The following TRIM16 variants were observed in gnomAD, a reference collection of about 807,000 sequenced individuals.
TRIM16 encodes the protein tripartite motif containing 16, also known as tripartite motif-containing protein 16.
In TRIM16, 33 loss-of-function variants were observed where a neutral mutation model predicts 50.4. That is an observed-to-expected ratio of 0.65 (90% CI 0.50 to 0.88). The LOEUF is 0.88. Among genes scored for constraint, TRIM16 ranks in the 40% least tolerant of loss-of-function variants. The pLI, the probability that TRIM16 is intolerant of heterozygous loss-of-function variation, is 0.00. For synonymous variants in TRIM16, 229 were observed against 270.7 expected (o/e 0.85, Z 1.51); for missense variants, 581 against 686.8 (o/e 0.85, Z 1.72).
At chr17:15,648,173 C>A (rs1436060208) in intron 7 of TRIM16, among the ~76,000 whole-genome samples, 1 of 151,238 alleles carries the variant, frequency 6.6e-6, no homozygotes, top group African/African-American at 2.4e-5. Context: ...TTGCAGTGAG[C>A]CGAGATTGCA....
At chr17:15,655,579 CTT>C (rs796123712) in intron 6 of TRIM16, among the ~76,000 whole-genome samples, 18 of 146,626 alleles carry the variant, frequency 1.2e-4, no homozygotes, top group Non-Finnish European at 2.1e-4. Context: ...TGATCTCTCT[CTT>C]TTTTTTTTTT....
intron 6 of TRIM16, among the ~76,000 whole-genome samples, chr17:15,668,646 C>T (rs1988602640): frequency 6.8e-6 from 1 of 147,046 alleles, no homozygotes; most frequent in Admixed American, 6.6e-5. Context: ...CATGAAAACA[C>T]ACTTTTGCAC....
rs759511584 is a variant in TRIM16 at position 15,651,276 on chromosome 17, T to A, written c.334A>T (p.Ile112Phe). 1.5e-5 allele frequency: 24 copies of A among 1,614,128 alleles called. No homozygotes were observed. In the Admixed American group the frequency reaches 4.0e-4, roughly 27 times the overall value. ...EEHLQPHQVN[I>F]KLQSHLLTEP... Reference sequence around the variant, plus strand: ...GTCAGCAGGTGGCTTTGCAGTTTGATGTTCACCTGATGCGGCTGCAAGTGC... The same window carrying A: ...GTCAGCAGGTGGCTTTGCAGTTTGAAGTTCACCTGATGCGGCTGCAAGTGC... Residue 112 changes from isoleucine (I) to phenylalanine (F), a missense_variant, in exon 7 of 12, where the codon ATC (isoleucine) becomes TTC (phenylalanine). Transcript: ENST00000649191.
intron 8 of TRIM16, among the ~76,000 whole-genome samples, chr17:15,639,348 C>G (rs1987011933): frequency 6.7e-6 from 1 of 148,372 alleles, no homozygotes; most frequent in Non-Finnish European, 1.5e-5. Context: ...GGGATTACGT[C>G]CAGCCTACAT....
rs2530113 is a variant in TRIM16 at position 15,671,611 on chromosome 17, A to G, written c.-338+5565T>C. The stretch of plus-strand genomic sequence containing the variant: ...TCATTGAAAAACTCTATTTCACGTG[A>G]TTTTTTTAACCGTATGCAAGTATTA... On this transcript the variant is annotated intron_variant, in intron 6 of 11. Coordinates refer to ENST00000649191, the MANE Select transcript of TRIM16 (RefSeq NM_001348119.1). Among the ~76,000 whole-genome samples, 82 of 149,476 alleles carry G rather than the reference A, an allele frequency of 5.5e-4. 1 individual carries two copies. The East Asian group carries it at 0.011, about 20-fold the overall frequency.
intron 6 of TRIM16, among the ~76,000 whole-genome samples, chr17:15,674,823 C>T (rs985377657): frequency 3.3e-5 from 5 of 152,094 alleles, no homozygotes; most frequent in South Asian, 2.1e-4. Flanking sequence ...CCTCATCTCC[C>T]GGGGGGTGAT....
chr17:15,683,000 T>C (rs1180465357), intron 2 of TRIM16, 36 bp downstream of exon 2: 4 of 1,550,244 alleles, frequency 2.6e-6, no homozygotes, highest in African/African-American at 1.4e-5. Flanking sequence ...TGCAGATTCT[T>C]GGCTAATGGC....
At chr17:15,680,662 C>G (rs1048742651) in intron 4 of TRIM16, among the ~76,000 whole-genome samples, 4 of 152,114 alleles carry the variant, frequency 2.6e-5, no homozygotes, top group African/African-American at 4.8e-5. Flanking sequence ...CTGAGGAACA[C>G]GCAAACACCA....
rs374896821 is a variant in TRIM16, at chr17:15,629,038, C to T, written c.1272G>A (p.Leu424=). 8 of 1,613,970 alleles carry T rather than the reference C, an allele frequency of 5.0e-6. No homozygotes were observed. The African/African-American group carries it at 5.3e-5, about 11-fold the overall frequency. ...HWRQVLSQQS[L]YLHRYYFEVE... ...CCTCAAAATAGTACCTGTGCAGGTACAGACTCTGCTGGGACAGCACCTGCC... is the reference window on the plus strand; with the variant it reads ...CCTCAAAATAGTACCTGTGCAGGTATAGACTCTGCTGGGACAGCACCTGCC... The change falls in exon 12 of 12, where the codon CTG becomes CTA. Residue 424 remains leucine (L), a synonymous_variant. Coordinates refer to ENST00000649191, the MANE Select transcript of TRIM16 (RefSeq NM_001348119.1).
At position 15,680,876 on chromosome 17, in the gene TRIM16, C is replaced by A; in HGVS notation, c.-601G>T. The A allele has an allele frequency of 6.5e-7, 1 of 1,545,274 alleles. No homozygotes were observed. The highest frequency in any genetic ancestry group is 8.7e-7 in the Non-Finnish European group (1 of 1,145,714). On this transcript the variant is annotated 5_prime_UTR_variant, in exon 4 of 12. Coordinates refer to ENST00000649191, the MANE Select transcript of TRIM16 (RefSeq NM_001348119.1). ...AATCCCCAACTCACCTGGGACTCTG[C>A]TGTCCGGCAAAGAGCAGCCATATTT...
At chr17:15,676,847 T>C (rs1404876425) in intron 6 of TRIM16, among the ~76,000 whole-genome samples, 1 of 152,176 alleles carries the variant, frequency 6.6e-6, no homozygotes, top group African/African-American at 2.4e-5. Context: ...TCATATTTCT[T>C]ATATAGCAGA....
chr17:15,636,301 A>C (rs1986738354), intron 8 of TRIM16, 32 bp from the exon 9 acceptor site: 1 of 1,604,412 alleles, frequency 6.2e-7, no homozygotes, highest in Non-Finnish European at 8.5e-7. Flanking sequence ...AGGCAGCCAA[A>C]CATTTCTTAG....
chr17:15,651,585 G>T lies in TRIM16; in HGVS notation c.25C>A (p.Pro9Thr). Residue 9 changes from proline (P) to threonine (T), a missense_variant, in exon 7 of 12, where the codon CCA becomes ACA. Around this residue, in one of 3 missense-constraint regions of TRIM16, gnomAD observed 450 missense variants for 544.3 expected, o/e 0.83. Coordinates refer to ENST00000649191, the MANE Select transcript of TRIM16 (RefSeq NM_001348119.1). ...GCAGTGGCCCTGGGCAGTGGCCCTG[G>T]AGCCATTAGATCCAACTCAGCCATC... MAELDLMA[P>T]GPLPRATAQP... 1 of 1,613,916 alleles carries T rather than the reference G, an allele frequency of 6.2e-7. No homozygotes were observed. Among genetic ancestry groups the T allele is most frequent in the Non-Finnish European group, 8.5e-7 (1 of 1,179,874 alleles).
At chr17:15,658,974 T>G in intron 6 of TRIM16, 5 of 629,940 alleles carry the variant, frequency 7.9e-6, no homozygotes, top group Non-Finnish European at 9.9e-6. Context: ...TTACAGACAC[T>G]AAGGGCCGTT....
In TRIM16 at chr17:15,651,207, G is replaced by T; in HGVS notation, c.403C>A (p.His135Asn). Reference sequence around the variant, plus strand: ...CAGCAGAAGGCAGACAGTGGGCTGTGGTGGGCAGGGCAGTATCGCCAGTTG... The same window carrying T: ...CAGCAGAAGGCAGACAGTGGGCTGTTGTGGGCAGGGCAGTATCGCCAGTTG... ...DHNWRYCPAH[H>N]SPLSAFCCPD... The change falls in exon 7 of 12, where the codon CAC (histidine) becomes AAC (asparagine). Residue 135 changes from histidine to asparagine, a missense_variant. Physicochemically the swap from His to Asn is moderately conservative, Grantham distance 68. Coordinates refer to ENST00000649191, the MANE Select transcript of TRIM16 (RefSeq NM_001348119.1). The T allele has an allele frequency of 6.2e-7, 1 of 1,614,240 alleles. No homozygotes were observed. The highest frequency in any genetic ancestry group is 1.7e-5 in the Admixed American group (1 of 60,032).
At chr17:15,670,950 C>T (rs1199928799) in intron 6 of TRIM16, among the ~76,000 whole-genome samples, 1 of 152,232 alleles carries the variant, frequency 6.6e-6, no homozygotes, top group Non-Finnish European at 1.5e-5. Context: ...ACATTTATTC[C>T]AGGACTAATA....
Position 15,651,330 on chromosome 17 carries a change from G to C in TRIM16, c.280C>G (p.Leu94Val). ...TCACAGTAATTCACCATGCAGGTTA[G>C]ACAGGACTTCACTGCCTTCACTCTT... ...TRRVKAVKSC[L>V]TCMVNYCEEH... The change falls in exon 7 of 12, where the codon CTA (leucine) becomes GTA (valine). Residue 94 changes from leucine (L) to valine (V), a missense_variant. Transcript: ENST00000649191. 6.2e-7 allele frequency: 1 copy of C among 1,614,260 alleles called. No homozygotes were observed. The highest frequency in any genetic ancestry group is 8.5e-7 in the Non-Finnish European group (1 of 1,180,052).
chr17:15,682,992 C>A (rs1242307322), intron 2 of TRIM16, 41 bp from the exon 3 acceptor site: 3 of 1,550,116 alleles, frequency 1.9e-6, no homozygotes, highest in East Asian at 2.4e-5. Flanking sequence ...GTGCATACTG[C>A]AGATTCTTGG....
chr17:15,652,071 G>T, intron 6 of TRIM16, 125 bp from the exon 7 acceptor site: 1 of 675,130 alleles, frequency 1.5e-6, no homozygotes, highest in Non-Finnish European at 1.9e-6. Flanking sequence ...TTCAACACCA[G>T]GACAGCCATT....
Sources: gnomAD v4.1 joint callset for allele counts (sites outside exome capture counted in the v4.1 genomes callset) on GRCh38, gnomAD v4.1.1 for gene constraint, gnomAD v4.1.1 regional missense constraint, MANE v1.5 for transcripts, NCBI Gene and HGNC (gene_info 2026-07-23, HGNC 2026-07-21) for gene names.